The following CMTM4 variants were observed in gnomAD, a reference collection of about 807,000 sequenced individuals.
CMTM4 encodes the protein CKLF like MARVEL transmembrane domain containing 4, also known as CKLF-like MARVEL transmembrane domain-containing protein 4.
In CMTM4, 8 loss-of-function variants were observed where a neutral mutation model predicts 19.0. The observed-to-expected ratio is 0.42, with a 90% CI of 0.25 to 0.76. The LOEUF is 0.76. CMTM4 is among the 30% of genes least tolerant of loss of function. The pLI is 0.27. For missense variants in CMTM4, 228 were observed against 290.2 expected (o/e 0.79, Z 1.56); for synonymous variants, 106 against 121.1 (o/e 0.88, Z 0.82).
Position 66,619,885 on chromosome 16 carries a change from T to A in CMTM4, c.*2173A>T. ...AGATGCAAATTAACTCCTAAGTCACTCTCTGGCGTGTCATCCTTTTTGGTC... is the reference window on the plus strand; with the variant it reads ...AGATGCAAATTAACTCCTAAGTCACACTCTGGCGTGTCATCCTTTTTGGTC... On this transcript the variant is annotated 3_prime_UTR_variant, in exon 4 of 4. Coordinates refer to ENST00000394106, the MANE Select transcript of CMTM4 (RefSeq NM_181521.3). 1 of 985,456 alleles carries A rather than the reference T, an allele frequency of 1.0e-6. No individual in the cohort carries two copies. The highest frequency in any genetic ancestry group is 1.2e-6 in the Non-Finnish European group (1 of 829,932). The allele number at this position is 985,456 out of a possible 1,614,324, so 61.0% of individuals were successfully genotyped here. A position where few individuals can be genotyped will look rare whatever the true frequency, so the allele number is the denominator to read the frequency against.
chr16:66,621,476 C>G lies in CMTM4; in HGVS notation c.*582G>C. The G allele has an allele frequency of 3.0e-6, 3 of 986,038 alleles. No individual in the cohort carries two copies. Among genetic ancestry groups the G allele is most frequent in the Non-Finnish European group, 3.6e-6 (3 of 830,066 alleles). The allele number at this position is 986,038 out of a possible 1,614,324, so 61.1% of individuals were successfully genotyped here. ...CTCAGCAGAGTAGGAAACAAAAGGT[C>G]ACCCTTCCTTGAGTCAGAGGTCCCT... On this transcript the variant is annotated 3_prime_UTR_variant, in exon 4 of 4. Transcript: ENST00000394106.
chr16:66,639,580 T>G (rs2016062382), intron 1 of CMTM4, among the ~76,000 whole-genome samples: 1 of 152,052 alleles, frequency 6.6e-6, no homozygotes. Context: ...TTCGAAAGTT[T>G]AGACACAGAG....
rs142179385 is a variant in CMTM4, at chr16:66,625,402, C to A, written c.364-1900G>T. Among the ~76,000 whole-genome samples the A allele has an allele frequency of 1.9e-3, 287 of 150,588 alleles. 1 individual carries two copies. The highest frequency in any genetic ancestry group is 6.6e-3 in the African/African-American group (270 of 40,886). ...TGAGCCAAGACTGCGCCGCTGCACTCCAGCCTAGGCAACAAGAGCGAAACT... is the reference window on the plus strand; with the variant it reads ...TGAGCCAAGACTGCGCCGCTGCACTACAGCCTAGGCAACAAGAGCGAAACT... On this transcript the variant is annotated intron_variant, in intron 2 of 3. Transcript: ENST00000394106.
chr16:66,675,415 A>G (rs920834803), intron 1 of CMTM4, among the ~76,000 whole-genome samples: 9 of 146,756 alleles, frequency 6.1e-5, no homozygotes, highest in African/African-American at 2.3e-4. Context: ...TTTCCTTTAT[A>G]TTGATCTGAT....
chr16:66,605,038 G>C, the CMTM4 span: 4 of 1,241,136 alleles, frequency 3.2e-6, no homozygotes, highest in Non-Finnish European at 4.2e-6. The surrounding 1 kb of genome is among the most constrained non-coding windows in gnomAD (Gnocchi z 4.6). Flanking sequence ...TGGGGTCCGG[G>C]GGCGGCCGCC....
intron 1 of CMTM4, among the ~76,000 whole-genome samples, chr16:66,685,847 G>A (rs1250424373): frequency 3.9e-5 from 6 of 152,072 alleles, no homozygotes; most frequent in Admixed American, 6.6e-5. Context: ...GTTTCACCAC[G>A]TTACCCAGGC....
Position 66,619,589 on chromosome 16 carries a change from T to C in CMTM4, c.*2469A>G, listed in dbSNP as rs1422257470. 1.2e-5 allele frequency: 12 copies of C among 985,376 alleles called. No homozygotes were observed. Among genetic ancestry groups the C allele is most frequent in the African/African-American group, 1.7e-5 (1 of 57,346 alleles). 61.0% of individuals were successfully genotyped at this position (985,376 alleles called of 1,614,324 possible). A position where few individuals can be genotyped will look rare whatever the true frequency, so the allele number is the denominator to read the frequency against. On this transcript the variant is annotated 3_prime_UTR_variant, in exon 4 of 4. Coordinates refer to ENST00000394106, the MANE Select transcript of CMTM4 (RefSeq NM_181521.3). ...ATATCGATTGTCTTCTGTTTGCATA[T>C]AGAGGCAATATAAGAAAAATATAGG... is the stretch of plus-strand genomic sequence containing the variant.
chr16:66,674,679 A>G (rs1042855163), intron 1 of CMTM4, among the ~76,000 whole-genome samples: 1 of 150,434 alleles, frequency 6.6e-6, no homozygotes, highest in Non-Finnish European at 1.5e-5. Flanking sequence ...TGTTGAATAC[A>G]TCATCATCTA....
chr16:66,665,793 G>A (rs1426767139), intron 1 of CMTM4, among the ~76,000 whole-genome samples: 1 of 151,890 alleles, frequency 6.6e-6, no homozygotes, highest in East Asian at 1.9e-4. Context: ...AAAAGGCCAG[G>A]CATGGTGGCT....
intron 1 of CMTM4, among the ~76,000 whole-genome samples, chr16:66,690,087 C>A (rs2017107962): frequency 6.6e-6 from 1 of 152,174 alleles, no homozygotes; most frequent in Admixed American, 6.5e-5. Context: ...ATCAGGAAGA[C>A]AACTCCTAAA....
At chr16:66,604,248 CAA>C in the CMTM4 span, 1 of 151,472 alleles carries the variant, frequency 6.6e-6, no homozygotes, top group African/African-American at 2.4e-5. Context: ...GAACAGCCAA[CAA>C]AGAGGCCCTG....
intron 1 of CMTM4, among the ~76,000 whole-genome samples, chr16:66,680,386 C>T (rs575106987): frequency 1.0e-4 from 15 of 149,692 alleles, no homozygotes; most frequent in African/African-American, 2.2e-4. Context: ...GGCTGAGGCC[C>T]GAGAATTGCT....
intron 1 of CMTM4, among the ~76,000 whole-genome samples, chr16:66,666,050 C>T (rs1393565259): frequency 6.7e-6 from 1 of 149,646 alleles, no homozygotes; most frequent in Non-Finnish European, 1.5e-5. Flanking sequence ...CCAGCCTGGG[C>T]GACAGAGTGA....
At chr16:66,675,052 T>A (rs2016784101) in intron 1 of CMTM4, among the ~76,000 whole-genome samples, 1 of 150,934 alleles carries the variant, frequency 6.6e-6, no homozygotes, top group Non-Finnish European at 1.5e-5. Context: ...TGGTGCTACA[T>A]ATTCTTTTCT....
chr16:66,667,580 A>C (rs1002743628), intron 1 of CMTM4, among the ~76,000 whole-genome samples: 1 of 152,094 alleles, frequency 6.6e-6, no homozygotes, highest in Non-Finnish European at 1.5e-5. Context: ...TAACATATGA[A>C]CTTTACAAAG....
chr16:66,668,296 AC>A (rs1478164557), intron 1 of CMTM4, among the ~76,000 whole-genome samples: 2 of 152,002 alleles, frequency 1.3e-5, no homozygotes, highest in Non-Finnish European at 2.9e-5. Context: ...GGCATGAACC[AC>A]CATGCCCAGC....
chr16:66,688,477 T>A (rs566309040), intron 1 of CMTM4, among the ~76,000 whole-genome samples: 2 of 151,858 alleles, frequency 1.3e-5, no homozygotes, highest in Non-Finnish European at 2.9e-5. Flanking sequence ...AAAAGTCTCA[T>A]GGCCGATAAG....
chr16:66,685,241 A>G (rs1479688413), intron 1 of CMTM4, among the ~76,000 whole-genome samples: 1 of 152,162 alleles, frequency 6.6e-6, no homozygotes, highest in African/African-American at 2.4e-5. Context: ...CTATTCTCTA[A>G]TAAGTAACTT....
At chr16:66,638,989 T>C (rs1469243229) in intron 1 of CMTM4, among the ~76,000 whole-genome samples, 1 of 152,024 alleles carries the variant, frequency 6.6e-6, no homozygotes, top group Non-Finnish European at 1.5e-5. Context: ...CATTCCACAT[T>C]GTATACACAT....
Sources: gnomAD v4.1 joint callset for allele counts (sites outside exome capture counted in the v4.1 genomes callset) on GRCh38, gnomAD v4.1.1 for gene constraint, Gnocchi (gnomAD v3.1) non-coding constraint, MANE v1.5 for transcripts, NCBI Gene and HGNC (gene_info 2026-07-23, HGNC 2026-07-21) for gene names.